Variants in SH3BP5 observed in about 807,000 individuals in gnomAD.
SH3BP5 encodes the protein SH3 domain binding protein 5.
A neutral mutation model predicts 43.3 loss-of-function variants in SH3BP5; 22 were observed. That is an observed-to-expected ratio of 0.51 (90% CI 0.36 to 0.73). SH3BP5 has a LOEUF of 0.73. Ranked by LOEUF, SH3BP5 falls within the 30% of genes least tolerant of loss-of-function variation. The pLI is 0.00. For synonymous variants in SH3BP5, 255 were observed against 225.8 expected (o/e 1.13, Z -1.16); for missense variants, 529 against 586.9 (o/e 0.90, Z 1.02).
intron 1 of SH3BP5, among the ~76,000 whole-genome samples, chr3:15,339,251 T>C (rs975702556): frequency 6.6e-6 from 1 of 152,032 alleles, no homozygotes; most frequent in African/African-American, 2.4e-5. Context: ...AGGAGAACCT[T>C]TATTTGTGTC....
chr3:15,276,862 A>G (rs1696985384), intron 3 of SH3BP5, among the ~76,000 whole-genome samples: 1 of 152,250 alleles, frequency 6.6e-6, no homozygotes, highest in African/African-American at 2.4e-5. Flanking sequence ...TTCTGAATAT[A>G]GTACATTTAT....
At chr3:15,322,409 C>A (rs567409139) in intron 2 of SH3BP5, among the ~76,000 whole-genome samples, 1 of 152,182 alleles carries the variant, frequency 6.6e-6, no homozygotes, top group South Asian at 2.1e-4. Context: ...AATGCTAACG[C>A]CCCCAAGCAA....
chr3:15,263,943 T>C (rs932312749), intron 4 of SH3BP5, among the ~76,000 whole-genome samples: 1 of 152,188 alleles, frequency 6.6e-6, no homozygotes, highest in Non-Finnish European at 1.5e-5. Context: ...AGAGGGCTCA[T>C]GGTCACTAGT....
chr3:15,317,356 T>A (rs908454330), intron 2 of SH3BP5, among the ~76,000 whole-genome samples: 1 of 152,184 alleles, frequency 6.6e-6, no homozygotes, highest in African/African-American at 2.4e-5. Context: ...CTGGCTGACT[T>A]CTTCTGGCTT....
chr3:15,332,628 G>A, upstream of SH3BP5: 7 of 1,177,066 alleles, frequency 5.9e-6, no homozygotes, highest in Non-Finnish European at 7.3e-6. Flanking sequence ...GGCAGTCAGC[G>A]CAGCGCCCGC....
intron 3 of SH3BP5, among the ~76,000 whole-genome samples, chr3:15,289,716 T>C (rs995524188): frequency 1.3e-5 from 2 of 152,218 alleles, no homozygotes; most frequent in Non-Finnish European, 2.9e-5. Context: ...TATTTTCCTA[T>C]GGCCTTGGGT....
intron 3 of SH3BP5, among the ~76,000 whole-genome samples, chr3:15,290,203 G>C (rs1016426986): frequency 6.6e-6 from 1 of 151,856 alleles, no homozygotes; most frequent in African/African-American, 2.4e-5. Context: ...GACCAGCCTG[G>C]CCAACATGAC....
intron 2 of SH3BP5, among the ~76,000 whole-genome samples, chr3:15,324,612 C>T (rs896766360): frequency 5.3e-5 from 8 of 152,060 alleles, no homozygotes; most frequent in African/African-American, 1.9e-4. Flanking sequence ...ATGCTTCAAA[C>T]ATTCCCTAGC....
At chr3:15,308,825 C>T (rs1265744543) in intron 2 of SH3BP5, among the ~76,000 whole-genome samples, 1 of 152,152 alleles carries the variant, frequency 6.6e-6, no homozygotes. Flanking sequence ...CAAAATCAAA[C>T]CTTTTAACCT....
At chr3:15,259,507 T>TG (rs1271171255) in intron 6 of SH3BP5, 1 of 587,796 alleles carries the variant, frequency 1.7e-6, no homozygotes, top group Admixed American at 3.0e-5. Context: ...ATGCTGATGC[T>TG]GCTGGTCCTA....
chr3:15,322,604 G>A (rs1030974169), intron 2 of SH3BP5, among the ~76,000 whole-genome samples: 1 of 151,992 alleles, frequency 6.6e-6, no homozygotes, highest in African/African-American at 2.4e-5. Context: ...TTGGGAAGCC[G>A]AGGCAGGAGG....
chr3:15,327,099 A>C (rs544435428), intron 2 of SH3BP5, among the ~76,000 whole-genome samples: 2 of 152,290 alleles, frequency 1.3e-5, no homozygotes, highest in Admixed American at 1.3e-4. Context: ...ACGGTGGCTC[A>C]CACCTGTAAT....
intron 2 of SH3BP5, among the ~76,000 whole-genome samples, chr3:15,325,929 G>A (rs1431611131): frequency 2.0e-5 from 3 of 152,180 alleles, no homozygotes; most frequent in Non-Finnish European, 4.4e-5. Context: ...TGAAGCTGGA[G>A]AATCGCTTGA....
intron 2 of SH3BP5, among the ~76,000 whole-genome samples, chr3:15,308,609 G>A (rs1055060307): frequency 1.3e-5 from 2 of 152,140 alleles, no homozygotes; most frequent in African/African-American, 4.8e-5. Context: ...AGGGGCTGGA[G>A]CAAGGACGCC....
At chr3:15,301,589 A>G (rs1345133125) in intron 3 of SH3BP5, among the ~76,000 whole-genome samples, 1 of 152,146 alleles carries the variant, frequency 6.6e-6, no homozygotes, top group Non-Finnish European at 1.5e-5. Flanking sequence ...GGAGTTAACC[A>G]TTTTAAATGT....
At chr3:15,258,487 T>C (rs1322049107) in intron 7 of SH3BP5, 2 of 317,886 alleles carry the variant, frequency 6.3e-6, no homozygotes, top group African/African-American at 4.3e-5. Flanking sequence ...CATCATGCCT[T>C]AGTAATGATG....
chr3:15,258,399 G>A (rs1388786871), intron 7 of SH3BP5: 1 of 163,778 alleles, frequency 6.1e-6, no homozygotes, highest in African/African-American at 2.4e-5. Flanking sequence ...CTACACAACG[G>A]ATAGTATACA....
rs949217057 is a variant in SH3BP5 at position 15,258,751 on chromosome 3, G to A, written c.889+80C>T. On this transcript the variant is annotated intron_variant, in intron 7 of 8. Transcript: ENST00000383791. Reference sequence around the variant, plus strand: ...CCAACTCTGAGACCTTTCACTGATGGCCAGAGAAAGTGAGGACCTTGGGAA... The same window carrying A: ...CCAACTCTGAGACCTTTCACTGATGACCAGAGAAAGTGAGGACCTTGGGAA... The A allele has an allele frequency of 7.0e-6, 9 of 1,281,540 alleles. No homozygotes were observed. The African/African-American group carries it at 1.0e-4, about 15-fold the overall frequency. 79.4% of individuals were successfully genotyped at this position (1,281,540 alleles called of 1,614,324 possible). A position where few individuals can be genotyped will look rare whatever the true frequency, so the allele number is the denominator to read the frequency against.
chr3:15,325,989 A>G (rs1698451815), intron 2 of SH3BP5, among the ~76,000 whole-genome samples: 1 of 152,222 alleles, frequency 6.6e-6, no homozygotes, highest in Non-Finnish European at 1.5e-5. Flanking sequence ...ACTGCACTCC[A>G]GCCTGAGTGA....
Sources: allele counts gnomAD v4.1 joint callset (sites outside exome capture counted in the v4.1 genomes callset), GRCh38; gene constraint gnomAD v4.1.1; transcripts MANE v1.5; gene names NCBI Gene and HGNC (gene_info 2026-07-23, HGNC 2026-07-21).